CADPS2: variants seen among roughly 807,000 people sequenced by gnomAD.
CADPS2 encodes the protein calcium dependent secretion activator 2.
A neutral mutation model predicts 172.5 loss-of-function variants in CADPS2; 93 were observed. That is an observed-to-expected ratio of 0.54 (90% CI 0.46 to 0.64). The LOEUF (loss-of-function observed/expected upper bound fraction) is 0.64, where lower values mean the gene tolerates loss of function less well. Among genes scored for constraint, CADPS2 ranks in the 30% least tolerant of loss-of-function variants. CADPS2 has a pLI of 0.00. For synonymous variants in CADPS2, 546 were observed against 555.2 expected (o/e 0.98, Z 0.23); for missense variants, 1,420 against 1,565.9 (o/e 0.91, Z 1.57).
intron 8 of CADPS2, among the ~76,000 whole-genome samples, chr7:122,549,448 T>A (rs2063978765): frequency 6.6e-6 from 1 of 152,026 alleles, no homozygotes; most frequent in African/African-American, 2.4e-5. Flanking sequence ...TGTGATTGTA[T>A]AATTAGCCTA....
chr7:122,333,331 A>G (rs1288125705), intron 28 of CADPS2, among the ~76,000 whole-genome samples: 2 of 152,228 alleles, frequency 1.3e-5, no homozygotes, highest in Non-Finnish European at 2.9e-5. Context: ...ATGAGCTGTT[A>G]GCATGTCTTT....
chr7:122,627,538 C>A (rs1178214580), intron 4 of CADPS2, among the ~76,000 whole-genome samples: 1 of 152,194 alleles, frequency 6.6e-6, no homozygotes, highest in Non-Finnish European at 1.5e-5. Flanking sequence ...GTGTTCATCA[C>A]TAACCCTTTC....
At chr7:122,771,289 T>A (rs766223914) in intron 1 of CADPS2, among the ~76,000 whole-genome samples, 3 of 152,184 alleles carry the variant, frequency 2.0e-5, no homozygotes, top group Non-Finnish European at 1.5e-5. Flanking sequence ...TAGACTAATC[T>A]TTCAGAGAGA....
intron 2 of CADPS2, chr7:122,698,909 GT>G: frequency 6.3e-7 from 1 of 1,581,634 alleles, no homozygotes; most frequent in Non-Finnish European, 8.6e-7. Flanking sequence ...CCAACCTTGA[GT>G]AGATGCATCT....
chr7:122,860,117 A>G (rs1816531852), intron 1 of CADPS2, among the ~76,000 whole-genome samples: 1 of 148,876 alleles, frequency 6.7e-6, no homozygotes, highest in Non-Finnish European at 1.5e-5. Context: ...CAAAGAAAAG[A>G]AAACCCCACT....
intron 2 of CADPS2, among the ~76,000 whole-genome samples, chr7:122,699,803 A>C (rs2085738704): frequency 6.6e-6 from 1 of 152,168 alleles, no homozygotes; most frequent in Admixed American, 6.5e-5. Flanking sequence ...CAATATTTTG[A>C]AAGAGGAGGA....
At position 122,491,382 on chromosome 7, in the gene CADPS2, T is replaced by A. The variant is rs2058267178; in HGVS notation, c.1581A>T (p.Glu527Asp). 3 of 1,611,706 alleles carry A rather than the reference T, an allele frequency of 1.9e-6. No individual in the cohort carries two copies. The East Asian group carries it at 6.7e-5, about 36-fold the overall frequency. The change falls in exon 10 of 30, where the codon GAA becomes GAT. Residue 527 changes from glutamate (E) to aspartate (D), a missense_variant. Physicochemically the swap from Glu to Asp is conservative, Grantham distance 45. Coordinates refer to ENST00000449022, the MANE Select transcript of CADPS2 (RefSeq NM_017954.11). ...QYTFAMCSYR[E>D]KKSEPQELMQ... ...TTAATTCTTGTGGTTCAGACTTCTT[T>A]TCTCTATAACTGCACATAGCAAAGG...
At chr7:122,381,805 A>G (rs1272503388) in intron 24 of CADPS2, among the ~76,000 whole-genome samples, 3 of 152,162 alleles carry the variant, frequency 2.0e-5, no homozygotes, top group Admixed American at 6.5e-5. Context: ...AAACAAACAC[A>G]TACAATGTTA....
chr7:122,531,012 C>G (rs891006609), intron 8 of CADPS2, among the ~76,000 whole-genome samples: 2 of 152,130 alleles, frequency 1.3e-5, no homozygotes, highest in African/African-American at 2.4e-5. Context: ...AAACCAACAA[C>G]AACTAAGAGT....
chr7:122,699,135 C>T, intron 2 of CADPS2: 1 of 513,768 alleles, frequency 1.9e-6, no homozygotes, highest in East Asian at 3.3e-5. Flanking sequence ...AAATCCCCTA[C>T]TGTTAACTCT....
chr7:122,542,856 A>T (rs191583887), intron 8 of CADPS2, among the ~76,000 whole-genome samples: 27 of 152,146 alleles, frequency 1.8e-4, no homozygotes, highest in African/African-American at 5.8e-4. Flanking sequence ...AATGCATTCC[A>T]TGTTTAATAA....
At chr7:122,491,099 C>T (rs544562348) in intron 10 of CADPS2, among the ~76,000 whole-genome samples, 8 of 152,158 alleles carry the variant, frequency 5.3e-5, no homozygotes, top group South Asian at 2.1e-4. Flanking sequence ...TTCAATCCTG[C>T]GCTAAAATAA....
At chr7:122,384,050 T>C (rs1178339585) in intron 24 of CADPS2, among the ~76,000 whole-genome samples, 2 of 152,126 alleles carry the variant, frequency 1.3e-5, no homozygotes, top group African/African-American at 4.8e-5. Flanking sequence ...ATGAGGATTC[T>C]AAACACTGAG....
At chr7:122,698,044 G>T (rs1209674453) in intron 2 of CADPS2, 1 of 1,613,890 alleles carries the variant, frequency 6.2e-7, no homozygotes, top group Admixed American at 1.7e-5. Context: ...AATGGGGCAT[G>T]TCCCATGGGG....
intron 11 of CADPS2, among the ~76,000 whole-genome samples, chr7:122,483,353 C>A (rs189628794): frequency 6.6e-6 from 1 of 152,166 alleles, no homozygotes; most frequent in African/African-American, 2.4e-5. Context: ...TGGAGCAACA[C>A]CTTAAAGTAC....
chr7:122,544,120 A>C (rs547225734), intron 8 of CADPS2, among the ~76,000 whole-genome samples: 3 of 152,318 alleles, frequency 2.0e-5, no homozygotes, highest in South Asian at 4.1e-4. Context: ...ACCAGGAGAC[A>C]TGTACAAGAA....
chr7:122,778,845 C>T (rs1372547100), intron 1 of CADPS2, among the ~76,000 whole-genome samples: 2 of 152,200 alleles, frequency 1.3e-5, no homozygotes, highest in Non-Finnish European at 2.9e-5. Flanking sequence ...CGACATGAAA[C>T]TTGGGAGGGA....
chr7:122,715,458 G>A (rs1018804101), intron 2 of CADPS2, among the ~76,000 whole-genome samples: 2 of 152,026 alleles, frequency 1.3e-5, no homozygotes, highest in African/African-American at 4.8e-5. Flanking sequence ...ACTGACACAG[G>A]ATTTCCGTGC....
Position 122,379,636 on chromosome 7 carries a change from C to T in CADPS2, c.3313-194G>A, listed in dbSNP as rs146048433. 5.7e-4 allele frequency: 302 copies of T among 533,086 alleles called. 1 individual carries two copies. The highest frequency in any genetic ancestry group is 5.4e-3 in the African/African-American group (284 of 52,178). 33.0% of individuals were successfully genotyped at this position (533,086 alleles called of 1,614,324 possible). A position where few individuals can be genotyped will look rare whatever the true frequency, so the allele number is the denominator to read the frequency against. ...TTTACATTGTGGTTTGAAAATTTTC[C>T]CATGTGCACTGTTGAGTTAAGCAGC... On this transcript the variant is annotated intron_variant, in intron 24 of 29. Coordinates refer to ENST00000449022, the MANE Select transcript of CADPS2 (RefSeq NM_017954.11).
Sources: gnomAD v4.1 joint callset for allele counts (sites outside exome capture counted in the v4.1 genomes callset) on GRCh38, gnomAD v4.1.1 for gene constraint, MANE v1.5 for transcripts, NCBI Gene and HGNC (gene_info 2026-07-23, HGNC 2026-07-21) for gene names.